Variants in BAZ2A observed in about 807,000 individuals in gnomAD.
The protein encoded by BAZ2A is bromodomain adjacent to zinc finger domain 2A.
Under a neutral mutation model 199.9 loss-of-function variants are expected in BAZ2A, and 34 were observed. That is an observed-to-expected ratio of 0.17 (90% CI 0.13 to 0.23). The LOEUF (loss-of-function observed/expected upper bound fraction) is 0.23, where lower values mean the gene tolerates loss of function less well. Ranked by LOEUF, BAZ2A falls within the 10% of genes least tolerant of loss-of-function variation. BAZ2A has a pLI of 1.00. For synonymous variants in BAZ2A, 857 were observed against 883.9 expected (o/e 0.97, Z 0.54); for missense variants, 2,002 against 2,391.1 (o/e 0.84, Z 3.39).
At chr12:56,634,847 A>G (rs1951408866), upstream of BAZ2A, 1 of 936,950 alleles carries the variant, frequency 1.1e-6, no homozygotes, top group Non-Finnish European at 1.3e-6. Flanking sequence ...GGGGAGAGTC[A>G]GATCCCGAAT....
chr12:56,599,717 A>G lies in BAZ2A; in HGVS notation c.5157T>C (p.Thr1719=). The change falls in exon 26 of 29, where the codon ACT becomes ACC. Residue 1719 remains threonine (T), a synonymous_variant. Transcript: ENST00000549884. ...EAVPEGDWFC[T]VCLAQQVEGE... is the part of the protein sequence containing the mutation. ...GAAGCCTTACCTGAGCCAAACAGACAGTACAGAACCAATCTCCTTCTGGGA... is the reference window on the plus strand; with the variant it reads ...GAAGCCTTACCTGAGCCAAACAGACGGTACAGAACCAATCTCCTTCTGGGA... The G allele has an allele frequency of 1.2e-6, 2 of 1,613,836 alleles. No homozygotes were observed. Among genetic ancestry groups the G allele is most frequent in the East Asian group, 2.2e-5 (1 of 44,884 alleles).
chr12:56,604,201 T>C lies in BAZ2A; in HGVS notation c.3038+16A>G, dbSNP rs1950272274. 1 of 1,596,216 alleles carries C rather than the reference T, an allele frequency of 6.3e-7. No individual in the cohort carries two copies. The highest frequency in any genetic ancestry group is 8.5e-7 in the Non-Finnish European group (1 of 1,169,730). On this transcript the variant is annotated intron_variant, in intron 16 of 28. Transcript: ENST00000549884. ...TTCTCTCCTCTCTGAGGCTCTACTC[T>C]CTGTCTGGTCCCTACCTCCGGAGCC...
chr12:56,614,308 G>A (rs1950649071), intron 3 of BAZ2A, 170 bp from the exon 4 acceptor site: 1 of 645,120 alleles, frequency 1.6e-6, no homozygotes, highest in Non-Finnish European at 2.6e-6. Flanking sequence ...GCAGAGATGT[G>A]CTGGTAAAAT....
Position 56,612,206 on chromosome 12 carries a change from C to T in BAZ2A, c.1176G>A (p.Gln392=), listed in dbSNP as rs369572144. The change falls in exon 6 of 29, where the codon CAG becomes CAA. Residue 392 remains glutamine, a synonymous_variant. Transcript: ENST00000549884. ...FDLNNGSDAE[Q]EEMETQSSDF... ...CTGAAGATTGAGTTTCCATTTCTTCCTGTTCAGCGTCACTACCATTATTCA... is the reference window on the plus strand; with the variant it reads ...CTGAAGATTGAGTTTCCATTTCTTCTTGTTCAGCGTCACTACCATTATTCA... 1.4e-5 allele frequency: 22 copies of T among 1,613,712 alleles called. No homozygotes were observed. The African/African-American group carries it at 2.0e-4, about 15-fold the overall frequency.
chr12:56,615,960 G>C (rs1047454653), intron 2 of BAZ2A, among the ~76,000 whole-genome samples: 2 of 152,178 alleles, frequency 1.3e-5, no homozygotes, highest in African/African-American at 4.8e-5. Context: ...CTGGAGTGCA[G>C]TGGTGCAATC....
At chr12:56,609,680 C>T (rs1950499890) in intron 10 of BAZ2A, 56 bp downstream of exon 10, 3 of 1,528,240 alleles carry the variant, frequency 2.0e-6, no homozygotes, top group Middle Eastern at 3.4e-4. Flanking sequence ...AATTCATCAA[C>T]ATTTTAGATA....
upstream of BAZ2A, among the ~76,000 whole-genome samples, chr12:56,632,458 C>G (rs933485642): frequency 1.3e-5 from 2 of 152,054 alleles, no homozygotes; most frequent in Admixed American, 6.5e-5. Flanking sequence ...GAGCCTGCGC[C>G]CGTCAGACGG....
At chr12:56,604,975 G>C (rs1048213989) in intron 14 of BAZ2A, 98 bp downstream of exon 14, 1 of 1,465,608 alleles carries the variant, frequency 6.8e-7, no homozygotes, top group Non-Finnish European at 9.1e-7. Flanking sequence ...GAGGAGTCAG[G>C]AAGAAAAAGA....
rs1415987078 is a variant in BAZ2A, at chr12:56,613,054, G to C, written c.1096C>G (p.Pro366Ala). 6.2e-7 allele frequency: 1 copy of C among 1,613,724 alleles called. No individual in the cohort carries two copies. Among genetic ancestry groups the C allele is most frequent in the East Asian group, 2.2e-5 (1 of 44,892 alleles). ...TCCCCTAGGACAGGTGGAGAGGTGG[G>C]ACTGGCAAAGATAGAGGTTGATGTT... ...SQTSTSIFAS[P>A]TSPPVLGESV... Residue 366 changes from proline (P) to alanine (A), a missense_variant, in exon 5 of 29, where the codon CCC becomes GCC. Pro to Ala is a conservative substitution (Grantham distance 27). This residue lies in a region of BAZ2A where 641 missense variants were observed against 694.5 expected (regional missense o/e 0.92). Coordinates refer to ENST00000549884, the MANE Select transcript of BAZ2A (RefSeq NM_001300905.2).
At chr12:56,635,036 G>A, upstream of BAZ2A, 3 of 984,878 alleles carry the variant, frequency 3.0e-6, no homozygotes, top group Non-Finnish European at 3.6e-6. The surrounding 1 kb of genome is among the most constrained non-coding windows in gnomAD (Gnocchi z 4.1). Flanking sequence ...CCCCAGCCCT[G>A]GGCCGGCGGC....
Position 56,604,743 on chromosome 12 carries a change from C to T in BAZ2A, c.2805G>A (p.Val935=), listed in dbSNP as rs1186268812. The T allele has an allele frequency of 1.9e-6, 3 of 1,613,778 alleles. No individual in the cohort carries two copies. In the East Asian group the frequency reaches 6.7e-5, roughly 36 times the overall value. ...TAAGGAAGCAGCGCAGGATCTCTGACACATTGTCTCTTGTCAGTGGGATCT... is the reference window on the plus strand; with the variant it reads ...TAAGGAAGCAGCGCAGGATCTCTGATACATTGTCTCTTGTCAGTGGGATCT... ...VSEIPLTRDN[V]SEILRCFLMA... The change falls in exon 15 of 29, where the codon GTG becomes GTA. Residue 935 remains valine (V), a synonymous_variant. Transcript: ENST00000549884.
chr12:56,617,736 T>C (rs1444094746), intron 1 of BAZ2A, among the ~76,000 whole-genome samples: 2 of 152,186 alleles, frequency 1.3e-5, no homozygotes, highest in African/African-American at 2.4e-5. Flanking sequence ...GAAAACAGTC[T>C]TTTAAAGCCA....
chr12:56,604,417 G>A, intron 15 of BAZ2A, 126 bp from the exon 16 acceptor site: 3 of 1,303,264 alleles, frequency 2.3e-6, no homozygotes, highest in Non-Finnish European at 3.2e-6. Flanking sequence ...AATGGCAGAA[G>A]GCTTAGGCTC....
At chr12:56,613,309 C>T in intron 4 of BAZ2A, 76 bp from the exon 5 acceptor site, 2 of 1,399,402 alleles carry the variant, frequency 1.4e-6, no homozygotes, top group South Asian at 1.2e-5. Flanking sequence ...AAACACTGGT[C>T]AGAAAACATC....
At chr12:56,636,224 C>T in exon 1 of BAZ2A, 1 of 1,585,684 alleles carries the variant, frequency 6.3e-7, no homozygotes, top group Non-Finnish European at 8.6e-7. Context: ...CCACCCAGCT[C>T]CTCACTGTCC....
chr12:56,598,430 AAG>A lies in BAZ2A; in HGVS notation c.*186_*187del. On this transcript the variant is annotated 3_prime_UTR_variant, in exon 29 of 29. Coordinates refer to ENST00000549884, the MANE Select transcript of BAZ2A (RefSeq NM_001300905.2). ...TCTCTGCACCTCTTACTTGAGGAGC[AAG>A]AGGAGGGAAGGGAGAAAGGGATGTA... 1 of 688,576 alleles carries A rather than the reference AAG, an allele frequency of 1.5e-6. No individual in the cohort carries two copies. Among genetic ancestry groups the A allele is most frequent in the Non-Finnish European group, 2.4e-6 (1 of 421,886 alleles). 42.7% of individuals were successfully genotyped at this position (688,576 alleles called of 1,614,324 possible).
intron 1 of BAZ2A, among the ~76,000 whole-genome samples, chr12:56,617,912 C>G (rs1463707443): frequency 2.6e-5 from 4 of 152,108 alleles, no homozygotes; most frequent in Non-Finnish European, 5.9e-5. Context: ...TTTTTATCCC[C>G]AAGGTAAAGT....
intron 13 of BAZ2A, 66 bp from the exon 14 acceptor site, chr12:56,605,393 A>G: frequency 6.9e-7 from 1 of 1,444,534 alleles, no homozygotes; most frequent in South Asian, 1.5e-5. Flanking sequence ...TTGCATGTCT[A>G]CAAGAGGTTC....
rs1435680937 is a variant in BAZ2A, at chr12:56,605,874, C to T, written c.2449G>A (p.Glu817Lys). Residue 817 changes from glutamate to lysine, a missense_variant, in exon 13 of 29, where the codon GAA (glutamate) becomes AAA (lysine). Coordinates refer to ENST00000549884, the MANE Select transcript of BAZ2A (RefSeq NM_001300905.2). ...ATATCCTCTGTCGGCTTCTTCATTT[C>T]CTCCAAGATCATCTGCTGCCTCTGC... is the stretch of plus-strand genomic sequence containing the variant. ...ERQRQQMILE[E>K]MKKPTEDMCL... The T allele has an allele frequency of 6.2e-7, 1 of 1,603,762 alleles. No individual in the cohort carries two copies. The highest frequency in any genetic ancestry group is 1.3e-5 in the African/African-American group (1 of 74,712).
Sources: allele counts gnomAD v4.1 joint callset (sites outside exome capture counted in the v4.1 genomes callset), GRCh38; gene constraint gnomAD v4.1.1; regional missense constraint gnomAD v4.1.1; non-coding constraint Gnocchi (gnomAD v3.1); transcripts MANE v1.5; gene names NCBI Gene and HGNC (gene_info 2026-07-23, HGNC 2026-07-21).